Variants in PCLO observed in about 807,000 individuals in gnomAD.
The protein encoded by PCLO is protein piccolo.
A neutral mutation model predicts 427.5 loss-of-function variants in PCLO; 82 were observed. The observed-to-expected ratio is 0.19, with a 90% CI of 0.16 to 0.23. The LOEUF (loss-of-function observed/expected upper bound fraction) is 0.23, where lower values mean the gene tolerates loss of function less well. Among genes scored for constraint, PCLO ranks in the 10% least tolerant of loss-of-function variants. The pLI, the probability that PCLO is intolerant of heterozygous loss-of-function variation, is 1.00. For synonymous variants in PCLO, 2,357 were observed against 2,155.4 expected, an observed-to-expected ratio of 1.09 and a Z score of -2.59; for missense variants, 6,239 against 6,115.9, an observed-to-expected ratio of 1.02 and a Z score of -0.67.
intron 10 of PCLO, among the ~76,000 whole-genome samples, chr7:82,872,053 G>A (rs1051690823): frequency 7.3e-5 from 11 of 151,546 alleles, no homozygotes; most frequent in African/African-American, 2.7e-4. Context: ...AAGACTTCAG[G>A]GCATGGAGAA....
Position 82,950,852 on chromosome 7 carries a change from G to T in PCLO, c.9736C>A (p.Arg3246=). 2 of 1,613,464 alleles carry T rather than the reference G, an allele frequency of 1.2e-6. No individual in the cohort carries two copies. Among genetic ancestry groups the T allele is most frequent in the Non-Finnish European group, 1.7e-6 (2 of 1,179,834 alleles). Residue 3246 remains arginine, a synonymous_variant, in exon 6 of 25, where the codon CGA becomes AGA. Transcript: ENST00000333891. ...EWERQEIQRF[R]EQEKIMVQKK... is the part of the protein sequence containing the mutation. ...TGAACCATGATCTTTTCTTGTTCTC[G>T]GAACCTTTGAATTTCCTGACGTTCC... is the stretch of plus-strand genomic sequence containing the variant.
intron 3 of PCLO, among the ~76,000 whole-genome samples, chr7:82,996,514 G>C (rs572120262): frequency 6.6e-6 from 1 of 151,814 alleles, no homozygotes; most frequent in Non-Finnish European, 1.5e-5. Context: ...CTACACTGCC[G>C]TCCAAACAAT....
At position 83,073,301 on chromosome 7, in the gene PCLO, T is replaced by C. The variant is rs1439979175; in HGVS notation, c.3300+60949A>G. ...ATTATGGTTAAACTAACAGCCATCA[T>C]AATATAATGTGGAGCAAATATTTTC... On this transcript the variant is annotated intron_variant, in intron 3 of 24. Coordinates refer to ENST00000333891, the MANE Select transcript of PCLO (RefSeq NM_033026.6). 2.6e-5 allele frequency among the ~76,000 whole-genome samples: 4 copies of C among 152,052 alleles called. No individual in the cohort carries two copies. The South Asian group carries it at 6.2e-4, about 24-fold the overall frequency.
At chr7:82,863,314 AAAC>A (rs1178799372) in intron 10 of PCLO, among the ~76,000 whole-genome samples, 1 of 152,014 alleles carries the variant, frequency 6.6e-6, no homozygotes, top group Non-Finnish European at 1.5e-5. Context: ...AAGTCAGTTC[AAAC>A]AACAAAAATA....
intron 2 of PCLO, among the ~76,000 whole-genome samples, chr7:83,139,634 G>A (rs115892771): frequency 1.3e-5 from 2 of 152,152 alleles, no homozygotes; most frequent in African/African-American, 2.4e-5. Flanking sequence ...CACAGGGAGA[G>A]AATTCTGCTT....
At chr7:82,893,525 A>T (rs1467385200) in intron 9 of PCLO, among the ~76,000 whole-genome samples, 3 of 152,086 alleles carry the variant, frequency 2.0e-5, no homozygotes, top group African/African-American at 4.8e-5. Context: ...ATACATATGT[A>T]ACAAACCTTC....
intron 4 of PCLO, among the ~76,000 whole-genome samples, chr7:82,959,970 A>T (rs551704132): frequency 6.6e-6 from 1 of 152,224 alleles, no homozygotes; most frequent in East Asian, 1.9e-4. Context: ...ATGGTGGTGT[A>T]TCTTGAGGCC....
At chr7:83,068,183 A>C (rs1056826188) in intron 3 of PCLO, among the ~76,000 whole-genome samples, 5 of 152,176 alleles carry the variant, frequency 3.3e-5, no homozygotes, top group Admixed American at 6.6e-5. Flanking sequence ...ATTAGGCTGA[A>C]ACATAAGAGT....
intron 10 of PCLO, among the ~76,000 whole-genome samples, chr7:82,877,349 C>T (rs777364762): frequency 1.3e-5 from 2 of 152,090 alleles, no homozygotes; most frequent in Non-Finnish European, 2.9e-5. Flanking sequence ...TGATACTAGA[C>T]ACAGTTGTTA....
At position 82,954,118 on chromosome 7, in the gene PCLO, G is replaced by A. The variant is rs1795443126; in HGVS notation, c.6835C>T (p.Pro2279Ser). Reference sequence around the variant, plus strand: ...TCAGCAACTGGCCCTTCAGGTTTAGGTACTACAGATTCTATGATAGAAGAT... The same window carrying A: ...TCAGCAACTGGCCCTTCAGGTTTAGATACTACAGATTCTATGATAGAAGAT... ...MASSIIESVV[P>S]KPEGPVADTV... Residue 2279 changes from proline to serine, a missense_variant, in exon 5 of 25, where the codon CCT (proline) becomes TCT (serine). Pro to Ser is a moderately conservative substitution (Grantham distance 74). Coordinates refer to ENST00000333891, the MANE Select transcript of PCLO (RefSeq NM_033026.6). The A allele has an allele frequency of 8.7e-6, 14 of 1,613,668 alleles. No individual in the cohort carries two copies. The highest frequency in any genetic ancestry group is 1.2e-5 in the Non-Finnish European group (14 of 1,179,814).
At chr7:82,889,038 T>C (rs1477648323) in intron 9 of PCLO, among the ~76,000 whole-genome samples, 2 of 150,088 alleles carry the variant, frequency 1.3e-5, no homozygotes, top group African/African-American at 4.9e-5. Flanking sequence ...GGGGTTTCTG[T>C]TACCTGCCAG....
At chr7:82,899,457 A>G (rs907969464) in intron 9 of PCLO, among the ~76,000 whole-genome samples, 2 of 151,512 alleles carry the variant, frequency 1.3e-5, no homozygotes, top group African/African-American at 4.8e-5. Flanking sequence ...TAGAATATAA[A>G]ATGCAGATTG....
chr7:82,867,342 T>C (rs192481798), intron 10 of PCLO, among the ~76,000 whole-genome samples: 3 of 152,232 alleles, frequency 2.0e-5, no homozygotes, highest in Non-Finnish European at 2.9e-5. Flanking sequence ...CTAAATTTGA[T>C]AACAATTTTG....
chr7:83,159,918 C>A (rs1377007844), intron 1 of PCLO, among the ~76,000 whole-genome samples: 1 of 152,068 alleles, frequency 6.6e-6, no homozygotes, highest in East Asian at 1.9e-4. Flanking sequence ...TCACAGAAAT[C>A]TGGTATCCTC....
intron 3 of PCLO, among the ~76,000 whole-genome samples, chr7:83,094,911 T>G (rs1444538911): frequency 6.6e-6 from 1 of 152,172 alleles, no homozygotes; most frequent in Non-Finnish European, 1.5e-5. Context: ...TGAGGAAAAT[T>G]GGTCTGTAAT....
rs779924013 is a variant in PCLO, at chr7:82,951,508, G to A, written c.9098-18C>T. On this transcript the variant is annotated intron_variant, in intron 5 of 24. Coordinates refer to ENST00000333891, the MANE Select transcript of PCLO (RefSeq NM_033026.6). ...TACCTCACCTGAAATACAGGGCAGA[G>A]TTATAGTCCAGTTCCCAGAATGAAT... The A allele has an allele frequency of 1.3e-6, 2 of 1,486,600 alleles. No individual in the cohort carries two copies. The highest frequency in any genetic ancestry group is 2.8e-5 in the African/African-American group (2 of 71,944). The allele number at this position is 1,486,600 out of a possible 1,614,324, so 92.1% of individuals were successfully genotyped here.
Position 83,026,584 on chromosome 7 carries a change from T to A in PCLO, c.3301-60097A>T, listed in dbSNP as rs1227134275. ...CAACAAGGATACCCAGGAATTGAAC[T>A]CAGCTCTGCACCAAGCAGACCTAAT... On this transcript the variant is annotated intron_variant, in intron 3 of 24. Coordinates refer to ENST00000333891, the MANE Select transcript of PCLO (RefSeq NM_033026.6). Among the ~76,000 whole-genome samples the A allele has an allele frequency of 1.5e-4, 23 of 150,928 alleles. No homozygotes were observed. In the South Asian group the frequency reaches 4.8e-3, roughly 32 times the overall value.
At chr7:82,935,557 A>G (rs752771312) in intron 6 of PCLO, among the ~76,000 whole-genome samples, 5 of 151,624 alleles carry the variant, frequency 3.3e-5, no homozygotes, top group Non-Finnish European at 5.9e-5. Context: ...TTTGTTTAAT[A>G]TTAAAAAAAT....
chr7:83,027,724 C>T (rs867210528), intron 3 of PCLO, among the ~76,000 whole-genome samples: 4 of 125,870 alleles, frequency 3.2e-5, no homozygotes, highest in East Asian at 2.2e-4. Flanking sequence ...ACTGGCAAAA[C>T]GAATCCAGCA....
Sources: gnomAD v4.1 joint callset for allele counts (sites outside exome capture counted in the v4.1 genomes callset) on GRCh38, gnomAD v4.1.1 for gene constraint, MANE v1.5 for transcripts, NCBI Gene and HGNC (gene_info 2026-07-23, HGNC 2026-07-21) for gene names.